Variants in CORIN observed in about 807,000 individuals in gnomAD.
CORIN encodes the protein atrial natriuretic peptide-converting enzyme.
CORIN carries 117 observed loss-of-function variants against 125.3 expected under a neutral mutation model. The ratio of observed to expected loss-of-function variants is 0.93; its 90% CI spans 0.80 to 1.09. The LOEUF is 1.09. Among genes scored for constraint, CORIN ranks in the 50% least tolerant of loss-of-function variants. The pLI is 0.00. For synonymous variants in CORIN, 450 were observed against 466.4 expected (o/e 0.96, Z 0.45); for missense variants, 1,253 against 1,306.7 (o/e 0.96, Z 0.63).
At chr4:47,691,458 T>C (rs1450795456) in intron 6 of CORIN, among the ~76,000 whole-genome samples, 1 of 152,110 alleles carries the variant, frequency 6.6e-6, no homozygotes, top group Non-Finnish European at 1.5e-5. Context: ...GAAAAGAAAA[T>C]TCCAAGTCGT....
At chr4:47,748,753 C>A (rs1019339077) in intron 4 of CORIN, among the ~76,000 whole-genome samples, 17 of 152,028 alleles carry the variant, frequency 1.1e-4, no homozygotes, top group African/African-American at 4.1e-4. Context: ...TAAGTCATAG[C>A]CACAAAGCAG....
intron 5 of CORIN, among the ~76,000 whole-genome samples, chr4:47,698,266 T>C: frequency 6.6e-6 from 1 of 151,654 alleles, no homozygotes; most frequent in East Asian, 1.9e-4. Context: ...GGTAATAACA[T>C]TAATATTATT....
rs187161563 is a variant in CORIN at position 47,793,683 on chromosome 4, G to A, written c.209-6758C>T. On this transcript the variant is annotated intron_variant, in intron 2 of 21. Transcript: ENST00000273857. Reference sequence around the variant, plus strand: ...CATAGGTTCTTCATTTCAAAGTCTCGTTCAAATACACATTGGTTTCCAATG... The same window carrying A: ...CATAGGTTCTTCATTTCAAAGTCTCATTCAAATACACATTGGTTTCCAATG... Among the ~76,000 whole-genome samples, 10 of 152,244 alleles carry A rather than the reference G, an allele frequency of 6.6e-5. No individual in the cohort carries two copies. The East Asian group carries it at 1.5e-3, about 23-fold the overall frequency.
intron 5 of CORIN, among the ~76,000 whole-genome samples, chr4:47,722,628 C>T (rs926609828): frequency 6.6e-5 from 10 of 152,122 alleles, no homozygotes; most frequent in Admixed American, 2.0e-4. Flanking sequence ...AAATAAACCC[C>T]GAAAGCAGAG....
chr4:47,798,610 T>C lies in CORIN; in HGVS notation c.208+8293A>G, dbSNP rs547826098. On this transcript the variant is annotated intron_variant, in intron 2 of 21. Coordinates refer to ENST00000273857, the MANE Select transcript of CORIN (RefSeq NM_006587.4). ...AGTTACAAAATAAGGAATATTTATT[T>C]GGACAGATATTACTTCAATATGGCT... Among the ~76,000 whole-genome samples the C allele has an allele frequency of 1.6e-4, 25 of 152,326 alleles. No homozygotes were observed. The East Asian group carries it at 2.3e-3, about 14-fold the overall frequency.
Position 47,664,893 on chromosome 4 carries a change from T to C in CORIN, c.1589+139A>G, listed in dbSNP as rs1031557474. 2.5e-5 allele frequency: 14 copies of C among 553,234 alleles called. No individual in the cohort carries two copies. In the Admixed American group the frequency reaches 2.8e-4, roughly 11 times the overall value. 34.3% of individuals were successfully genotyped at this position (553,234 alleles called of 1,614,324 possible). A position where few individuals can be genotyped will look rare whatever the true frequency, so the allele number is the denominator to read the frequency against. On this transcript the variant is annotated intron_variant, in intron 11 of 21. Coordinates refer to ENST00000273857, the MANE Select transcript of CORIN (RefSeq NM_006587.4). The stretch of plus-strand genomic sequence containing the variant: ...TCATTTTACAACTTCTACTTCTTTG[T>C]CTCACTTGTTAAATATAAAGTATTT...
intron 10 of CORIN, among the ~76,000 whole-genome samples, chr4:47,670,117 T>C (rs1276676915): frequency 6.6e-6 from 1 of 152,208 alleles, no homozygotes; most frequent in Non-Finnish European, 1.5e-5. Flanking sequence ...TTCTTTCTAT[T>C]TCTGAACCTC....
chr4:47,771,287 C>T (rs1486145707), intron 3 of CORIN, among the ~76,000 whole-genome samples: 1 of 152,018 alleles, frequency 6.6e-6, no homozygotes, highest in East Asian at 1.9e-4. Flanking sequence ...CTAGATAATT[C>T]ACCTAAGAAG....
intron 5 of CORIN, among the ~76,000 whole-genome samples, chr4:47,701,365 T>C (rs1469577111): frequency 6.6e-6 from 1 of 152,238 alleles, no homozygotes; most frequent in Non-Finnish European, 1.5e-5. Context: ...TCCTTTGAAA[T>C]AAAGCTATGC....
intron 3 of CORIN, among the ~76,000 whole-genome samples, chr4:47,774,400 G>C (rs966030745): frequency 6.6e-6 from 1 of 152,008 alleles, no homozygotes; most frequent in Non-Finnish European, 1.5e-5. Flanking sequence ...TTTCTTTCTG[G>C]GTAGGGGAAT....
At chr4:47,626,993 GT>G (rs200009610) in intron 16 of CORIN, among the ~76,000 whole-genome samples, 2,985 of 126,052 alleles carry the variant, frequency 0.024, 88 homozygotes, top group African/African-American at 0.074. Flanking sequence ...TGTTGTTGTT[GT>G]TTTTTTTTTG....
intron 1 of CORIN, among the ~76,000 whole-genome samples, chr4:47,831,669 T>G (rs1209788138): frequency 6.6e-6 from 1 of 152,136 alleles, no homozygotes; most frequent in African/African-American, 2.4e-5. Context: ...CAGAATATAC[T>G]TCATGGGGTA....
intron 4 of CORIN, among the ~76,000 whole-genome samples, chr4:47,755,851 G>A (rs897049801): frequency 6.6e-6 from 1 of 152,200 alleles, no homozygotes; most frequent in African/African-American, 2.4e-5. Flanking sequence ...TACAAAAAGT[G>A]TAGTACAACT....
intron 3 of CORIN, among the ~76,000 whole-genome samples, chr4:47,777,685 C>A (rs1273937229): frequency 6.6e-6 from 1 of 151,900 alleles, no homozygotes; most frequent in Non-Finnish European, 1.5e-5. Context: ...TCTGGAGCAG[C>A]AAAATAGAGA....
At chr4:47,729,098 G>T (rs539273913) in intron 5 of CORIN, among the ~76,000 whole-genome samples, 2 of 152,086 alleles carry the variant, frequency 1.3e-5, no homozygotes, top group African/African-American at 4.8e-5. Context: ...TCTTTATCCT[G>T]GGTATGTGGC....
intron 19 of CORIN, among the ~76,000 whole-genome samples, chr4:47,613,117 C>A (rs1721932866): frequency 6.6e-6 from 1 of 152,074 alleles, no homozygotes; most frequent in Admixed American, 6.5e-5. Context: ...TTGCAGTATG[C>A]AAGAAAATGA....
intron 1 of CORIN, among the ~76,000 whole-genome samples, chr4:47,810,183 T>C (rs1732005041): frequency 6.6e-6 from 1 of 152,124 alleles, no homozygotes; most frequent in Non-Finnish European, 1.5e-5. Flanking sequence ...TGTTTGTTTG[T>C]TTTTGGTGTT....
chr4:47,761,946 T>C (rs1023207214), intron 4 of CORIN, among the ~76,000 whole-genome samples: 2 of 151,940 alleles, frequency 1.3e-5, no homozygotes, highest in Non-Finnish European at 2.9e-5. Context: ...GCCTGGACAA[T>C]ATAGCGACAC....
At chr4:47,657,107 A>G (rs1158154617) in intron 12 of CORIN, among the ~76,000 whole-genome samples, 1 of 152,234 alleles carries the variant, frequency 6.6e-6, no homozygotes, top group Non-Finnish European at 1.5e-5. Context: ...TGAAAACCAT[A>G]AAACACTGAT....
Sources: gnomAD v4.1 joint callset for allele counts (sites outside exome capture counted in the v4.1 genomes callset) on GRCh38, gnomAD v4.1.1 for gene constraint, MANE v1.5 for transcripts, NCBI Gene and HGNC (gene_info 2026-07-23, HGNC 2026-07-21) for gene names.